Variants in UMOD observed in about 807,000 individuals in gnomAD.
UMOD encodes the protein uromodulin.
Under a neutral mutation model 66.0 loss-of-function variants are expected in UMOD, and 64 were observed. The ratio of observed to expected loss-of-function variants is 0.97; its 90% CI spans 0.79 to 1.19. UMOD has a LOEUF of 1.19. Among genes scored for constraint, UMOD ranks in the 50% most tolerant of loss-of-function variants. The pLI is 0.00. For synonymous variants in UMOD, 398 were observed against 352.7 expected (o/e 1.13, Z -1.44); for missense variants, 764 against 850.9 (o/e 0.90, Z 1.27).
At chr16:20,337,722 A>C (rs1040665270) in intron 7 of UMOD, among the ~76,000 whole-genome samples, 3 of 152,212 alleles carry the variant, frequency 2.0e-5, no homozygotes, top group Non-Finnish European at 4.4e-5. Context: ...TTTGATACTA[A>C]AGTGAAACTG....
rs200414962 is a variant in UMOD, at chr16:20,346,155, G to A, written c.1153C>T (p.Arg385Trp). Residue 385 changes from arginine (R) to tryptophan (W), a missense_variant, in exon 5 of 11, where the codon CGG (arginine) becomes TGG (tryptophan). Coordinates refer to ENST00000396138, the MANE Select transcript of UMOD (RefSeq NM_003361.4). ...RDWVSVVTPA[R>W]DGPCGTVLTR... ...AACACTGTCCCACAGGGGCCATCCC[G>A]GGCTGGGGTCACTACAGACACCCAG... 140 of 1,614,072 alleles carry A rather than the reference G, an allele frequency of 8.7e-5. No individual in the cohort carries two copies. The East Asian group carries it at 1.3e-3, about 15-fold the overall frequency.
intron 1 of UMOD, chr16:20,352,446 A>G: frequency 2.7e-6 from 1 of 374,472 alleles, no homozygotes; most frequent in Non-Finnish European, 4.7e-6. Context: ...TACCTGGCAC[A>G]TAATAGGTGC....
upstream of UMOD, among the ~76,000 whole-genome samples, chr16:20,353,133 C>A (rs944507469): frequency 1.3e-5 from 2 of 152,148 alleles, no homozygotes; most frequent in African/African-American, 4.8e-5. Flanking sequence ...TTCACTGCCC[C>A]AGATGGGAGG....
At chr16:20,340,458 ATATG>A (rs1244270601) in intron 7 of UMOD, among the ~76,000 whole-genome samples, 70 of 116,572 alleles carry the variant, frequency 6.0e-4, no homozygotes, top group African/African-American at 2.7e-3. Flanking sequence ...GTGTGTATAT[ATATG>A]TGTGTGTGTG....
rs921037204 is a variant in UMOD, at chr16:20,348,653, G to C, written c.648C>G (p.Thr216=). ...TGTTGCAGCGCAGGACTGGCACGCA[G>C]GTCTCGGCCATGCGCGCACCGCCCT... The part of the protein sequence containing the change: ...VGQGGARMAE[T]CVPVLRCNTA... The change falls in exon 3 of 11, where the codon ACC becomes ACG. Residue 216 remains threonine (T), a synonymous_variant. Transcript: ENST00000396138. 2 of 1,565,218 alleles carry C rather than the reference G, an allele frequency of 1.3e-6. No individual in the cohort carries two copies.
In UMOD at chr16:20,348,669, G is replaced by A. The variant is rs1965725269; in HGVS notation, c.632C>T (p.Ala211Val). ...TGGCACGCAGGTCTCGGCCATGCGC[G>A]CACCGCCCTGGCCCACGAAGCGGTA... ...GWYRFVGQGGARMAETCVPVL... is the reference protein window; with the variant it reads ...GWYRFVGQGGVRMAETCVPVL... The change falls in exon 3 of 11, where the codon GCG becomes GTG. Residue 211 changes from alanine to valine, a missense_variant. Physicochemically the swap from Ala to Val is moderately conservative, Grantham distance 64. Coordinates refer to ENST00000396138, the MANE Select transcript of UMOD (RefSeq NM_003361.4). The A allele has an allele frequency of 1.3e-6, 2 of 1,555,256 alleles. No homozygotes were observed. Among genetic ancestry groups the A allele is most frequent in the Non-Finnish European group, 8.7e-7 (1 of 1,153,096 alleles).
At chr16:20,354,196 A>G (rs189743241), upstream of UMOD, among the ~76,000 whole-genome samples, 12 of 152,180 alleles carry the variant, frequency 7.9e-5, no homozygotes, top group East Asian at 2.3e-3. Context: ...TGCTATTGTG[A>G]ATTGCTCTTT....
chr16:20,346,005 G>A, intron 5 of UMOD, 121 bp downstream of exon 5: 1 of 854,856 alleles, frequency 1.2e-6, no homozygotes, highest in Non-Finnish European at 1.8e-6. Flanking sequence ...CTTTACAGTT[G>A]ATGAAACTGA....
In UMOD at chr16:20,351,698, T is replaced by C. The variant is rs559596507; in HGVS notation, c.-102-859A>G. On this transcript the variant is annotated intron_variant, in intron 1 of 10. Coordinates refer to ENST00000396138, the MANE Select transcript of UMOD (RefSeq NM_003361.4). Reference sequence around the variant, plus strand: ...GGGTCCTAGAGCAACGTTTTCCAGATCTTCGTGACCATGATGTACTAAAAG... The same window carrying C: ...GGGTCCTAGAGCAACGTTTTCCAGACCTTCGTGACCATGATGTACTAAAAG... 7.2e-4 allele frequency among the ~76,000 whole-genome samples: 110 copies of C among 152,222 alleles called. 2 individuals carry two copies. Among genetic ancestry groups the C allele is most frequent in the Admixed American group, 2.0e-3 (30 of 15,296 alleles).
At chr16:20,347,327 A>G (rs1428230522) in intron 4 of UMOD, among the ~76,000 whole-genome samples, 2 of 152,134 alleles carry the variant, frequency 1.3e-5, no homozygotes, top group East Asian at 3.8e-4. Context: ...CCGGCCCACT[A>G]ACTTCCCTCT....
At chr16:20,334,893 G>A (rs947094514) in intron 10 of UMOD, among the ~76,000 whole-genome samples, 8 of 149,540 alleles carry the variant, frequency 5.3e-5, no homozygotes, top group South Asian at 2.1e-4. Context: ...GTGCAGTGGC[G>A]TGATCTTGGC....
At chr16:20,335,863 T>G (rs183170938) in intron 9 of UMOD, among the ~76,000 whole-genome samples, 1 of 152,254 alleles carries the variant, frequency 6.6e-6, no homozygotes, top group Admixed American at 6.5e-5. Flanking sequence ...CTTTGCAAAA[T>G]TATGACTGAG....
Position 20,348,871 on chromosome 16 carries a change from C to G in UMOD, c.430G>C (p.Asp144His), listed in dbSNP as rs769398465. 25 of 1,549,470 alleles carry G rather than the reference C, an allele frequency of 1.6e-5. No homozygotes were observed. The highest frequency in any genetic ancestry group is 2.2e-5 in the Non-Finnish European group (25 of 1,147,680). ...LCVCPAGYRG[D>H]GWHCECSPGS... ...GGGGAGCACTCACAGTGCCATCCAT[C>G]CCCCCGGTAGCCCGCGGGGCATACG... Residue 144 changes from aspartate to histidine, a missense_variant, in exon 3 of 11, where the codon GAT becomes CAT. Transcript: ENST00000396138.
At position 20,345,494 on chromosome 16, in the gene UMOD, CCCTCCCTCCCTT is replaced by C. The variant is rs1965520430; in HGVS notation, c.1182+620_1182+631del. Among the ~76,000 whole-genome samples, 4 of 46,596 alleles carry C rather than the reference CCCTCCCTCCCTT, an allele frequency of 8.6e-5. No homozygotes were observed. In the South Asian group the frequency reaches 3.2e-3, roughly 37 times the overall value. 30.6% of individuals were successfully genotyped at this position (46,596 alleles called of 152,430 possible). A position where few individuals can be genotyped will look rare whatever the true frequency, so the allele number is the denominator to read the frequency against. ...TCCTTCCTTCCTTCCCTCCCTCCCT[CCCTCCCTCCCTT>C]CCTTCCTTCCTTCCTTCCTTCCTTC... On this transcript the variant is annotated intron_variant, in intron 5 of 10. Transcript: ENST00000396138.
chr16:20,351,687 C>T (rs1596568071), intron 1 of UMOD, among the ~76,000 whole-genome samples: 1 of 152,136 alleles, frequency 6.6e-6, no homozygotes, highest in South Asian at 2.1e-4. Flanking sequence ...CCTAGAGCAA[C>T]GTTTTCCAGA....
intron 5 of UMOD, among the ~76,000 whole-genome samples, chr16:20,344,965 A>G (rs1239773770): frequency 6.6e-6 from 1 of 152,216 alleles, no homozygotes; most frequent in Admixed American, 6.5e-5. Flanking sequence ...CCAAGTCACC[A>G]TCAATGGAAT....
chr16:20,348,934 G>A lies in UMOD; in HGVS notation c.367C>T (p.Leu123=). 1 of 1,571,252 alleles carries A rather than the reference G, an allele frequency of 6.4e-7. No homozygotes were observed. Residue 123 remains leucine (L), a synonymous_variant, in exon 3 of 11, where the codon CTG becomes TTG. Coordinates refer to ENST00000396138, the MANE Select transcript of UMOD (RefSeq NM_003361.4). ...AEPGLSHCHA[L]ATCVNVVGSY... The stretch of plus-strand genomic sequence containing the variant: ...CCCACCACATTGACACATGTGGCCA[G>A]GGCGTGGCAGTGGCTAAGCCCAGGC...
chr16:20,339,474 AGAGT>A, intron 7 of UMOD, among the ~76,000 whole-genome samples: 1 of 152,378 alleles, frequency 6.6e-6, no homozygotes, highest in East Asian at 1.9e-4. Context: ...GATCAACAAA[AGAGT>A]TGTATTAAGT....
intron 2 of UMOD, 93 bp downstream of exon 2, chr16:20,350,557 A>T: frequency 6.7e-7 from 1 of 1,486,164 alleles, no homozygotes. Flanking sequence ...GAGGATTGAG[A>T]TCACCTCTGA....
Sources: gnomAD v4.1 joint callset for allele counts (sites outside exome capture counted in the v4.1 genomes callset) on GRCh38, gnomAD v4.1.1 for gene constraint, MANE v1.5 for transcripts, NCBI Gene and HGNC (gene_info 2026-07-23, HGNC 2026-07-21) for gene names.